TBC1D16: variants seen among roughly 807,000 people sequenced by gnomAD.
TBC1D16 encodes TBC1 domain family member 16.
Under a neutral mutation model 74.7 loss-of-function variants are expected in TBC1D16, and 58 were observed. The ratio of observed to expected loss-of-function variants is 0.78; its 90% CI spans 0.63 to 0.97. TBC1D16 has a LOEUF of 0.97. Ranked by LOEUF, TBC1D16 falls within the 50% of genes least tolerant of loss-of-function variation. TBC1D16 has a pLI of 0.00. For synonymous variants in TBC1D16, 493 were observed against 474.7 expected (o/e 1.04, Z -0.50); for missense variants, 1,014 against 1,079.5 (o/e 0.94, Z 0.85).
chr17:79,970,249 C>G (rs1003647061), intron 3 of TBC1D16, among the ~76,000 whole-genome samples: 2 of 152,176 alleles, frequency 1.3e-5, no homozygotes, highest in Non-Finnish European at 2.9e-5. Context: ...TAGAGACAGA[C>G]AGCAGGTTAG....
chr17:80,004,776 G>C (rs1487823998), intron 3 of TBC1D16, among the ~76,000 whole-genome samples: 2 of 152,184 alleles, frequency 1.3e-5, no homozygotes, highest in Non-Finnish European at 2.9e-5. Context: ...CCAAGTTCAA[G>C]CGATTCTCGT....
At position 79,994,820 on chromosome 17, in the gene TBC1D16, G is replaced by A. The variant is rs1568619963; in HGVS notation, c.779+15340C>T. On this transcript the variant is annotated intron_variant, in intron 3 of 11. Coordinates refer to ENST00000310924, the MANE Select transcript of TBC1D16 (RefSeq NM_019020.4). This position sits in a 1 kb window ranked among gnomAD's most constrained non-coding sequence, Gnocchi z 4.6. ...CCACATGTGGCATCACACTTGAGAC[G>A]TGGTCTAGGTGTAAAGTACACGCGA... is the stretch of plus-strand genomic sequence containing the variant. Among the ~76,000 whole-genome samples the A allele has an allele frequency of 6.6e-6, 1 of 152,222 alleles. No individual in the cohort carries two copies. The highest frequency in any genetic ancestry group is 2.4e-5 in the African/African-American group (1 of 41,452).
chr17:80,010,720 C>T lies in TBC1D16; in HGVS notation c.219G>A (p.Leu73=), dbSNP rs144709479. Residue 73 remains leucine (L), a synonymous_variant, in exon 3 of 12, where the codon CTG becomes CTA. Coordinates refer to ENST00000310924, the MANE Select transcript of TBC1D16 (RefSeq NM_019020.4). This position sits in a 1 kb window ranked among gnomAD's most constrained non-coding sequence, Gnocchi z 8.8. ...LCLYMEKDEM[L]GATLILAWVP... The stretch of plus-strand genomic sequence containing the variant: ...CCCATGCCAGGATGAGGGTGGCTCC[C>T]AGCATCTCATCCTTCTCCATGTACA... 3.2e-4 allele frequency: 482 copies of T among 1,506,860 alleles called. 2 individuals carry two copies. The highest frequency in any genetic ancestry group is 1.2e-3 in the South Asian group (87 of 72,908). The allele number at this position is 1,506,860 out of a possible 1,614,324, so 93.3% of individuals were successfully genotyped here. A position where few individuals can be genotyped will look rare whatever the true frequency, so the allele number is the denominator to read the frequency against.
chr17:79,950,281 A>T lies in TBC1D16; in HGVS notation c.1257+130T>A. 9.8e-7 allele frequency: 1 copy of T among 1,017,802 alleles called. No individual in the cohort carries two copies. The highest frequency in any genetic ancestry group is 1.4e-6 in the Non-Finnish European group (1 of 721,658). The allele number at this position is 1,017,802 out of a possible 1,614,324, so 63.0% of individuals were successfully genotyped here. ...TTCACAGAGAGCCTCACACAAGAAA[A>T]CGGGGCCCTCACGAGGAGGTGGCCC... On this transcript the variant is annotated intron_variant, in intron 6 of 11. Transcript: ENST00000310924. The surrounding 1 kb of genome is among the most constrained non-coding windows in gnomAD (Gnocchi z 4.6).
In TBC1D16 at chr17:80,010,502, T is replaced by C. The variant is rs752733252; in HGVS notation, c.437A>G (p.Gln146Arg). The change falls in exon 3 of 12, where the codon CAG (glutamine) becomes CGG (arginine). Residue 146 changes from glutamine (Q) to arginine (R), a missense_variant. By Grantham distance (43) the Gln-to-Arg change is conservative. Transcript: ENST00000310924. The surrounding 1 kb of genome is among the most constrained non-coding windows in gnomAD (Gnocchi z 8.8). ...GGCGAGCATGCGGTCTGGAACACTCTGGGCCACCACCAGGATGTCCTCATC... is the reference window on the plus strand; with the variant it reads ...GGCGAGCATGCGGTCTGGAACACTCCGGGCCACCACCAGGATGTCCTCATC... ...PKDEDILVVA[Q>R]SVPDRMLASP... 1.9e-6 allele frequency: 3 copies of C among 1,611,084 alleles called. No individual in the cohort carries two copies. The highest frequency in any genetic ancestry group is 2.5e-6 in the Non-Finnish European group (3 of 1,178,890).
chr17:79,953,861 TC>T (rs1413527043), intron 3 of TBC1D16, among the ~76,000 whole-genome samples: 2 of 151,548 alleles, frequency 1.3e-5, no homozygotes, highest in African/African-American at 4.9e-5. Flanking sequence ...ACTTCTGCCT[TC>T]CGGGTTCAAG....
intron 10 of TBC1D16, chr17:79,943,971 C>T (rs1189908432): frequency 1.3e-6 from 2 of 1,517,028 alleles, no homozygotes; most frequent in Non-Finnish European, 8.8e-7. Flanking sequence ...GTCCACCCTG[C>T]ACGTCCACGT....
At chr17:80,004,759 C>T (rs967158709) in intron 3 of TBC1D16, among the ~76,000 whole-genome samples, 2 of 152,218 alleles carry the variant, frequency 1.3e-5, no homozygotes, top group Non-Finnish European at 2.9e-5. Flanking sequence ...ACTGCAACCT[C>T]TGCCTCCCAA....
intron 1 of TBC1D16, among the ~76,000 whole-genome samples, chr17:80,022,869 AG>A (rs932632245): frequency 6.7e-6 from 1 of 149,728 alleles, no homozygotes; most frequent in Non-Finnish European, 1.5e-5. Flanking sequence ...TCCTGACCTC[AG>A]GTGATCCGCC....
At position 79,960,779 on chromosome 17, in the gene TBC1D16, C is replaced by CAAAAAAAAAAAA. The variant is rs746450905; in HGVS notation, c.780-7973_780-7962dup. Among the ~76,000 whole-genome samples, 94 of 33,942 alleles carry CAAAAAAAAAAAA rather than the reference C, an allele frequency of 2.8e-3. 28 individuals carry two copies. Among genetic ancestry groups the CAAAAAAAAAAAA allele is most frequent in the African/African-American group, 4.9e-3 (47 of 9,544 alleles). The allele number at this position is 33,942 out of a possible 152,430, so 22.3% of individuals were successfully genotyped here. ...CAAAAAAACCCAAAAAACAAAAACC[C>CAAAAAAAAAAAA]AAAAAAAAAAAAAAAAAAAAAAAAA... On this transcript the variant is annotated intron_variant, in intron 3 of 11. Transcript: ENST00000310924.
intron 8 of TBC1D16, 116 bp from the exon 9 acceptor site, chr17:79,947,947 G>A: frequency 1.2e-6 from 1 of 805,282 alleles, no homozygotes; most frequent in Non-Finnish European, 2.0e-6. Context: ...TCACCTCAGT[G>A]GAAGGCAGCT....
rs1430184520 is a variant in TBC1D16, at chr17:79,965,002, C to A, written c.780-12184G>T. Reference sequence around the variant, plus strand: ...ATCTAGATGGCATGTCTATAATATACTTTCACCGCATTAAAAGAATTTTCT... The same window carrying A: ...ATCTAGATGGCATGTCTATAATATAATTTCACCGCATTAAAAGAATTTTCT... On this transcript the variant is annotated intron_variant, in intron 3 of 11. Transcript: ENST00000310924. Among the ~76,000 whole-genome samples, 3 of 152,094 alleles carry A rather than the reference C, an allele frequency of 2.0e-5. No homozygotes were observed. The South Asian group carries it at 6.2e-4, about 31-fold the overall frequency.
intron 3 of TBC1D16, among the ~76,000 whole-genome samples, chr17:79,964,370 G>A (rs942350574): frequency 5.9e-5 from 9 of 152,094 alleles, no homozygotes; most frequent in South Asian, 2.1e-4. Flanking sequence ...ATATTTTCCC[G>A]CATTCTGTGA....
rs1228865957 is a variant in TBC1D16, at chr17:79,979,261, CACACCCACGCCCAGA to C, written c.780-26458_780-26444del. Among the ~76,000 whole-genome samples, 1 of 151,268 alleles carries C rather than the reference CACACCCACGCCCAGA, an allele frequency of 6.6e-6. No homozygotes were observed. The highest frequency in any genetic ancestry group is 2.4e-5 in the African/African-American group (1 of 41,120). On this transcript the variant is annotated intron_variant, in intron 3 of 11. Transcript: ENST00000310924. This position sits in a 1 kb window ranked among gnomAD's most constrained non-coding sequence, Gnocchi z 4.8. ...CTAGAGCACACACGCTCCGGGGATG[CACACCCACGCCCAGA>C]GCACACGCGCTCCGGGGACGCACAC...
intron 3 of TBC1D16, among the ~76,000 whole-genome samples, chr17:80,006,355 T>G (rs1453833839): frequency 6.6e-6 from 1 of 152,154 alleles, no homozygotes; most frequent in East Asian, 1.9e-4. Context: ...CTAGTTTAAT[T>G]GGTCTGGGTG....
At position 80,035,366 on chromosome 17, in the gene TBC1D16, TG is replaced by T. The variant is rs1306149125; in HGVS notation, c.-63+428del. Among the ~76,000 whole-genome samples, 1 of 151,946 alleles carries T rather than the reference TG, an allele frequency of 6.6e-6. No individual in the cohort carries two copies. Among genetic ancestry groups the T allele is most frequent in the East Asian group, 1.9e-4 (1 of 5,168 alleles). On this transcript the variant is annotated intron_variant, in intron 1 of 11. Transcript: ENST00000310924. This position sits in a 1 kb window ranked among gnomAD's most constrained non-coding sequence, Gnocchi z 5.3. Reference sequence around the variant, plus strand: ...GCCGGGAAAGCTGAGCGCGCGCTGCTGGGGGGACGCACACTTTGGAGGCTGT... The same window carrying T: ...GCCGGGAAAGCTGAGCGCGCGCTGCTGGGGGACGCACACTTTGGAGGCTGT...
intron 1 of TBC1D16, among the ~76,000 whole-genome samples, chr17:80,030,160 T>G (rs1422122004): frequency 6.6e-6 from 1 of 152,062 alleles, no homozygotes; most frequent in South Asian, 2.1e-4. Context: ...ATTTACAAAT[T>G]CCCTGGATTA....
chr17:80,011,799 C>A (rs927499258), intron 2 of TBC1D16, among the ~76,000 whole-genome samples: 10 of 151,032 alleles, frequency 6.6e-5, no homozygotes, highest in African/African-American at 2.4e-4. Context: ...GCACTCCAGC[C>A]TGGATGACAG....
rs2034509989 is a variant in TBC1D16, at chr17:79,979,964, C to A, written c.780-27146G>T. On this transcript the variant is annotated intron_variant, in intron 3 of 11. Coordinates refer to ENST00000310924, the MANE Select transcript of TBC1D16 (RefSeq NM_019020.4). The surrounding 1 kb of genome is among the most constrained non-coding windows in gnomAD (Gnocchi z 4.8). The stretch of plus-strand genomic sequence containing the variant: ...CAGACACATCCATTATGGCCAAACA[C>A]AAGAAGCCCTCAGGCCTGCCCAACA... 6.6e-6 allele frequency among the ~76,000 whole-genome samples: 1 copy of A among 152,238 alleles called. No individual in the cohort carries two copies. The highest frequency in any genetic ancestry group is 2.1e-4 in the South Asian group (1 of 4,822).
Sources: allele counts gnomAD v4.1 joint callset (sites outside exome capture counted in the v4.1 genomes callset), GRCh38; gene constraint gnomAD v4.1.1; non-coding constraint Gnocchi (gnomAD v3.1); transcripts MANE v1.5; gene names NCBI Gene and HGNC (gene_info 2026-07-23, HGNC 2026-07-21).